Variants in ZNF888 observed in about 807,000 individuals in gnomAD.
ZNF888 encodes the protein CTD-2331H12.6.
Under a neutral mutation model 7.2 loss-of-function variants are expected in ZNF888, and 5 were observed. The ratio of observed to expected loss-of-function variants is 0.70; its 90% CI spans 0.36 to 1.46. The LOEUF is 1.46. Among genes scored for constraint, ZNF888 ranks in the 40% most tolerant of loss-of-function variants. The pLI is 0.03. For synonymous variants in ZNF888, 240 were observed against 284.3 expected (o/e 0.84, Z 1.57); for missense variants, 716 against 858.0 (o/e 0.83, Z 2.07).
At chr19:52,916,888 G>A (rs532958788) in intron 3 of ZNF888, among the ~76,000 whole-genome samples, 1 of 151,548 alleles carries the variant, frequency 6.6e-6, no homozygotes, top group African/African-American at 2.4e-5. Context: ...CTCCAGCCTG[G>A]GTGACAGAGC....
intron 4 of ZNF888, among the ~76,000 whole-genome samples, chr19:52,912,678 C>G (rs1008929332): frequency 2.6e-5 from 4 of 151,494 alleles, no homozygotes; most frequent in East Asian, 3.9e-4. Flanking sequence ...TGCAGTGGGC[C>G]GAGATCACAC....
intron 3 of ZNF888, among the ~76,000 whole-genome samples, chr19:52,916,609 C>CATATACATAT (rs1448538070): frequency 5.4e-4 from 32 of 59,542 alleles, no homozygotes; most frequent in African/African-American, 2.5e-3. Context: ...CATACATATA[C>CATATACATAT]ATATACATAT....
At position 52,910,149 on chromosome 19, in the gene ZNF888, C is replaced by CAAAAA. The variant is rs71335690; in HGVS notation, c.143-1975_143-1971dup. Among the ~76,000 whole-genome samples, 21 of 83,926 alleles carry CAAAAA rather than the reference C, an allele frequency of 2.5e-4. 1 individual carries two copies. The highest frequency in any genetic ancestry group is 4.7e-4 in the Non-Finnish European group (16 of 33,926). The allele number at this position is 83,926 out of a possible 152,430, so 55.1% of individuals were successfully genotyped here. A position where few individuals can be genotyped will look rare whatever the true frequency, so the allele number is the denominator to read the frequency against. On this transcript the variant is annotated intron_variant, in intron 4 of 4. Coordinates refer to ENST00000638862, the MANE Select transcript of ZNF888 (RefSeq NM_001393938.1). ...TGGGGACTAGAGCGAGACTTCGTCT[C>CAAAAA]AAAAAAAAAAAAAAAAAAAAAAAAA...
At chr19:52,915,153 A>G in intron 4 of ZNF888, 43 bp downstream of exon 4, 1 of 1,512,438 alleles carries the variant, frequency 6.6e-7, no homozygotes, top group Non-Finnish European at 8.8e-7. Context: ...AGAAAATGCA[A>G]AGATCCACAA....
Position 52,911,999 on chromosome 19 carries a change from G to A in ZNF888, c.142+3197C>T, listed in dbSNP as rs551921408. Reference sequence around the variant, plus strand: ...ACCCTAATTTTTTGTATTTTTAGTAGAGAAGGGGTTTCACCGTGTTAGTCA... The same window carrying A: ...ACCCTAATTTTTTGTATTTTTAGTAAAGAAGGGGTTTCACCGTGTTAGTCA... On this transcript the variant is annotated intron_variant, in intron 4 of 4. Coordinates refer to ENST00000638862, the MANE Select transcript of ZNF888 (RefSeq NM_001393938.1). Among the ~76,000 whole-genome samples, 434 of 150,706 alleles carry A rather than the reference G, an allele frequency of 2.9e-3. 4 individuals carry two copies. Among genetic ancestry groups the A allele is most frequent in the African/African-American group, 0.01 (420 of 41,004 alleles).
chr19:52,906,116 G>A lies in ZNF888; in HGVS notation c.*49C>T, dbSNP rs769078319. 1.2e-6 allele frequency: 2 copies of A among 1,611,668 alleles called. No homozygotes were observed. Among genetic ancestry groups the A allele is most frequent in the African/African-American group, 1.3e-5 (1 of 75,016 alleles). ...CTCTATTCATTATGGATTCTTCAAT[G>A]ATTTGCAATGGTTGTAGCGTTACTG... On this transcript the variant is annotated 3_prime_UTR_variant, in exon 5 of 5. Coordinates refer to ENST00000638862, the MANE Select transcript of ZNF888 (RefSeq NM_001393938.1).
rs1332189372 is a variant in ZNF888, at chr19:52,905,955, A to G, written c.*210T>C. 4 of 858,776 alleles carry G rather than the reference A, an allele frequency of 4.7e-6. No homozygotes were observed. The highest frequency in any genetic ancestry group is 4.1e-5 in the South Asian group (3 of 73,600). The allele number at this position is 858,776 out of a possible 1,614,324, so 53.2% of individuals were successfully genotyped here. A position where few individuals can be genotyped will look rare whatever the true frequency, so the allele number is the denominator to read the frequency against. ...TCCTGTATGAATTCTCCTGTTTTGC[A>G]TAGGATGAAGCTTGACTGAAGACCT... is the stretch of plus-strand genomic sequence containing the variant. On this transcript the variant is annotated 3_prime_UTR_variant, in exon 5 of 5. Coordinates refer to ENST00000638862, the MANE Select transcript of ZNF888 (RefSeq NM_001393938.1).
chr19:52,907,738 A>G lies in ZNF888; in HGVS notation c.584T>C (p.Phe195Ser), dbSNP rs1465820775. The change falls in exon 5 of 5, where the codon TTC becomes TCC. Residue 195 changes from phenylalanine to serine, a missense_variant. By Grantham distance (155) the Phe-to-Ser change is radical. Transcript: ENST00000638862. ...THISNNYGNN[F>S]FHSSLLTQKQ... Reference sequence around the variant, plus strand: ...CTGTGTGAGTAATGAAGAATGGAAGAAATTATTCCCATAGTTATTAGAAAT... The same window carrying G: ...CTGTGTGAGTAATGAAGAATGGAAGGAATTATTCCCATAGTTATTAGAAAT... 52 of 1,613,632 alleles carry G rather than the reference A, an allele frequency of 3.2e-5. No homozygotes were observed. In the East Asian group the frequency reaches 8.9e-4, roughly 28 times the overall value.
At position 52,917,855 on chromosome 19, in the gene ZNF888, T is replaced by G. The variant is rs1397304226; in HGVS notation, c.15+4A>C. 1.2e-6 allele frequency: 2 copies of G among 1,613,360 alleles called. No homozygotes were observed. The highest frequency in any genetic ancestry group is 2.7e-5 in the African/African-American group (2 of 74,920). On this transcript the variant is annotated splice_donor_region_variant and intron_variant, in intron 3 of 4. Transcript: ENST00000638862. Reference sequence around the variant, plus strand: ...AGAACAATCCACAGAGAATATCATCTCACCTGAGGAAGAGCCATCCCTGAC... The same window carrying G: ...AGAACAATCCACAGAGAATATCATCGCACCTGAGGAAGAGCCATCCCTGAC...
rs1375314780 is a variant in ZNF888 at position 52,904,761 on chromosome 19, G to A, written c.*1404C>T. Reference sequence around the variant, plus strand: ...TTTCAGGCCTGGCGCCGGGCTGCCTGTCTTTGATTTCACTTCCTTGTTTTT... The same window carrying A: ...TTTCAGGCCTGGCGCCGGGCTGCCTATCTTTGATTTCACTTCCTTGTTTTT... On this transcript the variant is annotated 3_prime_UTR_variant, in exon 5 of 5. Transcript: ENST00000638862. 6.6e-6 allele frequency: 1 copy of A among 152,192 alleles called. No homozygotes were observed. Among genetic ancestry groups the A allele is most frequent in the African/African-American group, 2.4e-5 (1 of 41,450 alleles). 9.4% of individuals were successfully genotyped at this position (152,192 alleles called of 1,614,324 possible).
In ZNF888 at chr19:52,907,669, T is replaced by A; in HGVS notation, c.653A>T (p.Glu218Val). 1.2e-6 allele frequency: 2 copies of A among 1,606,038 alleles called. No individual in the cohort carries two copies. The change falls in exon 5 of 5, where the codon GAG becomes GTG. Residue 218 changes from glutamate to valine, a missense_variant. Physicochemically the swap from Glu to Val is moderately radical, Grantham distance 121. Transcript: ENST00000638862. ...GCTACAATTAAAGGATTTGCCACTC[T>A]CATTAAATTGGAAAGATTTTTCTTT... is the stretch of plus-strand genomic sequence containing the variant. ...HRKEKSFQFN[E>V]SGKSFNCSSL...
rs1416443343 is a variant in ZNF888, at chr19:52,910,732, T to C, written c.143-2553A>G. Among the ~76,000 whole-genome samples, 3 of 152,140 alleles carry C rather than the reference T, an allele frequency of 2.0e-5. No individual in the cohort carries two copies. In the East Asian group the frequency reaches 5.8e-4, roughly 29 times the overall value. ...CCAGGAACTTATTTGGCTGGCACCTTGCTCTTGGATTTCTCCCTTCCCAAA... is the reference window on the plus strand; with the variant it reads ...CCAGGAACTTATTTGGCTGGCACCTCGCTCTTGGATTTCTCCCTTCCCAAA... On this transcript the variant is annotated intron_variant, in intron 4 of 4. Transcript: ENST00000638862.
At chr19:52,920,527 G>A (rs201549254) in intron 1 of ZNF888, among the ~76,000 whole-genome samples, 4,062 of 17,020 alleles carry the variant, frequency 0.24, 2 homozygotes, top group Non-Finnish European at 0.26. Context: ...GAAAAAAAAA[G>A]AAAAGGAAAA....
intron 1 of ZNF888, among the ~76,000 whole-genome samples, chr19:52,923,124 G>A (rs1331945064): frequency 1.3e-5 from 2 of 152,150 alleles, no homozygotes; most frequent in Non-Finnish European, 2.9e-5. Flanking sequence ...GTTGTGAACG[G>A]GAAAACTACG....
chr19:52,914,927 C>T (rs1164217669), intron 4 of ZNF888, among the ~76,000 whole-genome samples: 6 of 152,170 alleles, frequency 3.9e-5, no homozygotes, highest in Non-Finnish European at 5.9e-5. Flanking sequence ...TCCCAAGGTG[C>T]TGGGATGACA....
rs1229142624 is a variant in ZNF888 at position 52,905,852 on chromosome 19, T to G, written c.*313A>C. On this transcript the variant is annotated 3_prime_UTR_variant, in exon 5 of 5. Transcript: ENST00000638862. ...ACATTTGTAAGATTTCTGTCCAGTA[T>G]GGATTCTTTGATGTCTAATGAGGTG... 7 of 732,362 alleles carry G rather than the reference T, an allele frequency of 9.6e-6. No individual in the cohort carries two copies. Among genetic ancestry groups the G allele is most frequent in the African/African-American group, 4.8e-5 (3 of 61,966 alleles). 45.4% of individuals were successfully genotyped at this position (732,362 alleles called of 1,614,324 possible). A position where few individuals can be genotyped will look rare whatever the true frequency, so the allele number is the denominator to read the frequency against.
chr19:52,912,425 T>C (rs937344486), intron 4 of ZNF888, among the ~76,000 whole-genome samples: 2 of 150,934 alleles, frequency 1.3e-5, no homozygotes, highest in African/African-American at 4.9e-5. Flanking sequence ...CAATAACATA[T>C]TTTAAATACA....
Position 52,907,748 on chromosome 19 carries a change from C to T in ZNF888, c.574G>A (p.Gly192Arg), listed in dbSNP as rs563647885. ...AATGAAGAATGGAAGAAATTATTCC[C>T]ATAGTTATTAGAAATATGGGTTTTG... Reference protein sequence around the residue: ...RPKTHISNNYGNNFFHSSLLT... With the variant: ...RPKTHISNNYRNNFFHSSLLT... The change falls in exon 5 of 5, where the codon GGG becomes AGG. Residue 192 changes from glycine (G) to arginine (R), a missense_variant. Coordinates refer to ENST00000638862, the MANE Select transcript of ZNF888 (RefSeq NM_001393938.1). 8.9e-5 allele frequency: 144 copies of T among 1,613,896 alleles called. No individual in the cohort carries two copies. The East Asian group carries it at 3.1e-3, about 34-fold the overall frequency.
At position 52,906,336 on chromosome 19, in the gene ZNF888, G is replaced by A. The variant is rs1458569587; in HGVS notation, c.1986C>T (p.Tyr662=). 3.1e-6 allele frequency: 5 copies of A among 1,613,690 alleles called. No individual in the cohort carries two copies. In the Admixed American group the frequency reaches 8.3e-5, roughly 27 times the overall value. The change falls in exon 5 of 5, where the codon TAC becomes TAT. Residue 662 remains tyrosine (Y), a synonymous_variant. Coordinates refer to ENST00000638862, the MANE Select transcript of ZNF888 (RefSeq NM_001393938.1). The part of the protein sequence containing the change: ...HQRVHTGEKP[Y]KCKVCDKAFK... ...AAGCCTTGTCACAAACCTTACATTT[G>A]TATGGTTTCTCTCCAGTGTGAACTC...
Sources: gnomAD v4.1 joint callset for allele counts (sites outside exome capture counted in the v4.1 genomes callset) on GRCh38, gnomAD v4.1.1 for gene constraint, MANE v1.5 for transcripts, NCBI Gene and HGNC (gene_info 2026-07-23, HGNC 2026-07-21) for gene names.